The following CDH13 variants were observed in gnomAD, a reference collection of about 807,000 sequenced individuals.
CDH13 encodes cadherin 13.
Under a neutral mutation model 63.8 loss-of-function variants are expected in CDH13, and 24 were observed. That is an observed-to-expected ratio of 0.38 (90% CI 0.27 to 0.53). The LOEUF (loss-of-function observed/expected upper bound fraction) is 0.53. Among genes scored for constraint, CDH13 ranks in the 20% least tolerant of loss-of-function variants. The pLI, the probability that CDH13 is intolerant of heterozygous loss-of-function variation, is 0.85. For missense variants in CDH13, 1,049 were observed against 903.1 expected (o/e 1.16, Z -2.07); for synonymous variants, 503 against 355.3 (o/e 1.42, Z -4.67).
chr16:82,758,233 A>G (rs911920203), intron 1 of CDH13, among the ~76,000 whole-genome samples: 65 of 152,290 alleles, frequency 4.3e-4, no homozygotes, highest in African/African-American at 1.5e-3. Flanking sequence ...GAGAAAAAAA[A>G]GGGACACGGG....
At chr16:83,442,687 A>AT (rs746588695) in intron 6 of CDH13, among the ~76,000 whole-genome samples, 38 of 152,234 alleles carry the variant, frequency 2.5e-4, no homozygotes, top group South Asian at 1.2e-3. Context: ...TTAGGGCTGC[A>AT]TTTTGAAATT....
chr16:82,847,017 C>T (rs2039287538), intron 1 of CDH13, among the ~76,000 whole-genome samples: 1 of 152,204 alleles, frequency 6.6e-6, no homozygotes, highest in African/African-American at 2.4e-5. Context: ...CATTCCAAAG[C>T]CATGACCTTC....
At chr16:83,024,866 G>A (rs1330259411) in intron 2 of CDH13, among the ~76,000 whole-genome samples, 2 of 152,166 alleles carry the variant, frequency 1.3e-5, no homozygotes, top group Non-Finnish European at 2.9e-5. Flanking sequence ...TTCACATGAA[G>A]TACGTAGGGC....
intron 1 of CDH13, among the ~76,000 whole-genome samples, chr16:82,645,231 C>G (rs1441480627): frequency 1.3e-5 from 2 of 152,160 alleles, no homozygotes; most frequent in Non-Finnish European, 2.9e-5. Flanking sequence ...ATCCTGTCCT[C>G]TGGACCTAGA....
At chr16:82,733,765 A>T (rs1257718301) in intron 1 of CDH13, among the ~76,000 whole-genome samples, 1 of 152,246 alleles carries the variant, frequency 6.6e-6, no homozygotes, top group African/African-American at 2.4e-5. Context: ...GGAACTGCTT[A>T]AGATATGAAG....
At chr16:83,101,147 C>T (rs932779427) in intron 3 of CDH13, among the ~76,000 whole-genome samples, 9 of 151,488 alleles carry the variant, frequency 5.9e-5, no homozygotes, top group African/African-American at 2.2e-4. Flanking sequence ...ATGGGGCTTA[C>T]ATTTATAATA....
intron 6 of CDH13, chr16:83,398,151 CAGTT>C (rs923802052): frequency 6.6e-6 from 1 of 152,208 alleles, no homozygotes; most frequent in African/African-American, 2.4e-5. Flanking sequence ...GTTTCTAACT[CAGTT>C]AGGTATATTA....
At chr16:83,508,071 G>GGAAA (rs754980874) in intron 7 of CDH13, among the ~76,000 whole-genome samples, 7,898 of 68,574 alleles carry the variant, frequency 0.12, 667 homozygotes, top group East Asian at 0.18. Flanking sequence ...AAGGAAGGAA[G>GGAAA]GAAGGAAGGA....
intron 7 of CDH13, among the ~76,000 whole-genome samples, chr16:83,589,120 C>G (rs1567788372): frequency 6.6e-6 from 1 of 152,096 alleles, no homozygotes; most frequent in Non-Finnish European, 1.5e-5. Flanking sequence ...AGGGAGAATC[C>G]ATTTTCTTGC....
chr16:83,584,108 T>A (rs1295991428), intron 7 of CDH13, among the ~76,000 whole-genome samples: 1 of 152,052 alleles, frequency 6.6e-6, no homozygotes, highest in Non-Finnish European at 1.5e-5. Context: ...GATGGGCGGA[T>A]CACGAGGTCA....
intron 2 of CDH13, among the ~76,000 whole-genome samples, chr16:82,905,704 A>G (rs2041622850): frequency 6.6e-6 from 1 of 152,224 alleles, no homozygotes. Context: ...ACTTTAACCC[A>G]TATCTAAAAT....
intron 3 of CDH13, among the ~76,000 whole-genome samples, chr16:83,102,930 C>CTTTTTTTTTTTTTTTT (rs71148812): frequency 2.8e-4 from 27 of 96,928 alleles, no homozygotes; most frequent in Non-Finnish European, 3.6e-4. Context: ...TTTTCTTTTT[C>CTTTTTTTTTTTTTTTT]TTTTTTTTTT....
chr16:82,808,016 C>T (rs1019991941), intron 1 of CDH13, among the ~76,000 whole-genome samples: 1 of 152,134 alleles, frequency 6.6e-6, no homozygotes, highest in Non-Finnish European at 1.5e-5. Context: ...CAGCGCAGTT[C>T]TTACTGAGCT....
chr16:83,312,921 G>A (rs1287292190), intron 5 of CDH13, among the ~76,000 whole-genome samples: 3 of 152,160 alleles, frequency 2.0e-5, no homozygotes, highest in African/African-American at 7.2e-5. Context: ...TGTTGCCTTG[G>A]TATTAGATAC....
chr16:83,162,080 A>G lies in CDH13; in HGVS notation c.483+36579A>G, dbSNP rs181975256. Among the ~76,000 whole-genome samples, 126 of 152,364 alleles carry G rather than the reference A, an allele frequency of 8.3e-4. 1 individual carries two copies. The highest frequency in any genetic ancestry group is 3.0e-3 in the African/African-American group (125 of 41,584). On this transcript the variant is annotated intron_variant, in intron 4 of 13. Coordinates refer to ENST00000567109, the MANE Select transcript of CDH13 (RefSeq NM_001257.5). Reference sequence around the variant, plus strand: ...CCATTTTATAAAGAATTAAAGGAAAATAGGTTAAACATGAACTGCTTCTCA... The same window carrying G: ...CCATTTTATAAAGAATTAAAGGAAAGTAGGTTAAACATGAACTGCTTCTCA...
chr16:83,337,740 G>T (rs1196832047), intron 5 of CDH13, among the ~76,000 whole-genome samples: 1 of 146,104 alleles, frequency 6.8e-6, no homozygotes, highest in African/African-American at 2.5e-5. Context: ...TTTGTGGCAG[G>T]ATGCTACATA....
At chr16:82,800,233 A>T (rs11859421) in intron 1 of CDH13, among the ~76,000 whole-genome samples, 142 of 152,330 alleles carry the variant, frequency 9.3e-4, no homozygotes, top group African/African-American at 3.3e-3. Flanking sequence ...GACAAAAAAT[A>T]ATTCAAAAAT....
intron 7 of CDH13, among the ~76,000 whole-genome samples, chr16:83,542,443 T>C (rs753000823): frequency 9.2e-5 from 14 of 152,212 alleles, no homozygotes; most frequent in Non-Finnish European, 2.1e-4. Context: ...CCTGATTCAG[T>C]ATGTCTGGCA....
chr16:83,434,788 T>C (rs1280462409), intron 6 of CDH13, among the ~76,000 whole-genome samples: 1 of 151,104 alleles, frequency 6.6e-6, no homozygotes, highest in Admixed American at 6.6e-5. Flanking sequence ...AATTTCTCTC[T>C]TGGACTCTTT....
Sources: gnomAD v4.1 joint callset for allele counts (sites outside exome capture counted in the v4.1 genomes callset) on GRCh38, gnomAD v4.1.1 for gene constraint, MANE v1.5 for transcripts, NCBI Gene and HGNC (gene_info 2026-07-23, HGNC 2026-07-21) for gene names.